HEXB: variants seen among roughly 807,000 people sequenced by gnomAD.
The protein encoded by HEXB is hexosaminidase subunit beta.
Under a neutral mutation model 71.2 loss-of-function variants are expected in HEXB, and 51 were observed. That is an observed-to-expected ratio of 0.72 (90% CI 0.57 to 0.90). HEXB has a LOEUF of 0.90. Ranked by LOEUF, HEXB falls within the 40% of genes least tolerant of loss-of-function variation. The probability of loss-of-function intolerance (pLI) is 0.00; values close to 1 mark genes in which losing one functional copy is unlikely to be tolerated. For missense variants in HEXB, 617 were observed against 677.0 expected, an observed-to-expected ratio of 0.91 and a Z score of 0.98; for synonymous variants, 266 against 249.3, an observed-to-expected ratio of 1.07 and a Z score of -0.63.
upstream of HEXB, among the ~76,000 whole-genome samples, chr5:74,681,864 G>A (rs1337944648): frequency 6.6e-6 from 1 of 152,210 alleles, no homozygotes; most frequent in Non-Finnish European, 1.5e-5. Flanking sequence ...GGAATATAAT[G>A]TGGTAGCAGT....
upstream of HEXB, among the ~76,000 whole-genome samples, chr5:74,684,106 G>T (rs1273411705): frequency 1.3e-5 from 2 of 152,052 alleles, no homozygotes; most frequent in Admixed American, 1.3e-4. Flanking sequence ...GGCGTGAGCC[G>T]CCGCACCTGG....
intron 1 of HEXB, among the ~76,000 whole-genome samples, chr5:74,649,034 C>T (rs190728874): frequency 6.6e-6 from 1 of 152,330 alleles, no homozygotes; most frequent in East Asian, 1.9e-4. Context: ...ATATTCAAAA[C>T]CAACCCTACC....
intron 10 of HEXB, among the ~76,000 whole-genome samples, 198 bp downstream of exon 10, chr5:74,718,561 A>C (rs778669111): frequency 6.6e-6 from 1 of 152,210 alleles, no homozygotes; most frequent in Non-Finnish European, 1.5e-5. Context: ...AACTGAACCT[A>C]TGTGGTATCC....
intron 1 of HEXB, among the ~76,000 whole-genome samples, chr5:74,647,366 C>A (rs1748020985): frequency 6.6e-6 from 1 of 152,334 alleles, no homozygotes; most frequent in South Asian, 2.1e-4. Flanking sequence ...CAAGGGCTTG[C>A]ACCTTTGAAT....
intron 13 of HEXB, 49 bp from the exon 14 acceptor site, chr5:74,721,069 G>T: frequency 1.5e-6 from 2 of 1,349,776 alleles, no homozygotes; most frequent in Non-Finnish European, 2.1e-6. Flanking sequence ...CTTTATGAAT[G>T]ATATCAATCT....
chr5:74,676,155 C>A (rs1187368292), intron 1 of HEXB, among the ~76,000 whole-genome samples: 1 of 152,084 alleles, frequency 6.6e-6, no homozygotes, highest in Admixed American at 6.6e-5. Context: ...TCAATCAAGT[C>A]TTTAATTTCA....
At chr5:74,720,382 G>A (rs1561228930) in intron 11 of HEXB, 46 bp from the exon 12 acceptor site, 1 of 1,308,814 alleles carries the variant, frequency 7.6e-7, no homozygotes, top group Admixed American at 1.7e-5. Flanking sequence ...TTGCCTCTGT[G>A]TATAAGCTTT....
chr5:74,702,364 C>T (rs1749285054), intron 5 of HEXB, among the ~76,000 whole-genome samples: 1 of 152,094 alleles, frequency 6.6e-6, no homozygotes, highest in Non-Finnish European at 1.5e-5. Context: ...AGGCGTGAGC[C>T]ACCGCGCCCG....
chr5:74,655,610 G>C (rs1306838321), intron 1 of HEXB, among the ~76,000 whole-genome samples: 2 of 152,014 alleles, frequency 1.3e-5, no homozygotes, highest in Non-Finnish European at 2.9e-5. Flanking sequence ...GCTGAGATTA[G>C]AGCCATGAGC....
chr5:74,703,906 T>A (rs904607267), intron 5 of HEXB, among the ~76,000 whole-genome samples: 2 of 152,192 alleles, frequency 1.3e-5, no homozygotes, highest in Non-Finnish European at 2.9e-5. Flanking sequence ...CTCAAACTCC[T>A]GGGCCCAAGT....
chr5:74,671,714 A>T (rs1042331130), intron 1 of HEXB, among the ~76,000 whole-genome samples: 5 of 152,172 alleles, frequency 3.3e-5, no homozygotes, highest in African/African-American at 1.2e-4. Flanking sequence ...AAAACTGTAA[A>T]AATAAATTTT....
upstream of HEXB, among the ~76,000 whole-genome samples, chr5:74,682,833 C>T (rs189010036): frequency 1.3e-5 from 2 of 152,242 alleles, no homozygotes; most frequent in Admixed American, 6.5e-5. Context: ...GATACCTTTC[C>T]TCATCCATCA....
Position 74,705,209 on chromosome 5 carries a change from T to G in HEXB, c.670-10T>G, listed in dbSNP as rs763971063. On this transcript the variant is annotated splice_polypyrimidine_tract_variant and intron_variant, in intron 5 of 13. Coordinates refer to ENST00000261416, the MANE Select transcript of HEXB (RefSeq NM_000521.4). ...TGCAGTAAATAATTTTTAAATATGT[T>G]TGCTTGCAGGATGCCATGGCTTTTA... The G allele has an allele frequency of 3.9e-6, 6 of 1,531,314 alleles. No individual in the cohort carries two copies. The South Asian group carries it at 6.7e-5, about 17-fold the overall frequency. 94.9% of individuals were successfully genotyped at this position (1,531,314 alleles called of 1,614,324 possible).
intron 1 of HEXB, among the ~76,000 whole-genome samples, chr5:74,644,870 C>A (rs1747974248): frequency 7.8e-6 from 1 of 128,514 alleles, no homozygotes; most frequent in Non-Finnish European, 1.6e-5. Context: ...CTCTCAGATT[C>A]AAGCAATTCT....
chr5:74,663,751 G>A (rs528382351), intron 1 of HEXB, among the ~76,000 whole-genome samples: 7 of 152,288 alleles, frequency 4.6e-5, no homozygotes, highest in Non-Finnish European at 7.4e-5. Context: ...TGAATTATCC[G>A]TGAAAATAAA....
At chr5:74,666,193 A>G (rs1395528143) in intron 1 of HEXB, among the ~76,000 whole-genome samples, 1 of 152,262 alleles carries the variant, frequency 6.6e-6, no homozygotes, top group Non-Finnish European at 1.5e-5. Context: ...AGGGACAAGT[A>G]ATTTATGACA....
intron 1 of HEXB, among the ~76,000 whole-genome samples, chr5:74,656,714 C>G (rs776211235): frequency 6.6e-6 from 1 of 152,044 alleles, no homozygotes; most frequent in Non-Finnish European, 1.5e-5. Context: ...AAGGTTCAAG[C>G]AATTCTCCTG....
chr5:74,720,051 C>A, intron 11 of HEXB: 1 of 218,598 alleles, frequency 4.6e-6, no homozygotes, highest in Non-Finnish European at 9.2e-6. Context: ...ACTAGTATTC[C>A]AACTTCTATT....
intron 1 of HEXB, among the ~76,000 whole-genome samples, chr5:74,671,589 T>C (rs1221322445): frequency 1.3e-5 from 2 of 151,164 alleles, no homozygotes; most frequent in African/African-American, 4.9e-5. Context: ...ACAAGGGGAG[T>C]GATGGGTATG....
Sources: allele counts gnomAD v4.1 joint callset (sites outside exome capture counted in the v4.1 genomes callset), GRCh38; gene constraint gnomAD v4.1.1; transcripts MANE v1.5; gene names NCBI Gene and HGNC (gene_info 2026-07-23, HGNC 2026-07-21).